The following LTBP2 variants were observed in gnomAD, a reference collection of about 807,000 sequenced individuals.
LTBP2 encodes latent-transforming growth factor beta-binding protein 2.
Under a neutral mutation model 210.6 loss-of-function variants are expected in LTBP2, and 103 were observed. The observed-to-expected ratio is 0.49, with a 90% confidence interval of 0.42 to 0.58. The LOEUF (loss-of-function observed/expected upper bound fraction) is 0.58, where lower values mean the gene tolerates loss of function less well. Ranked by LOEUF, LTBP2 falls within the 20% of genes least tolerant of loss-of-function variation. LTBP2 has a pLI of 0.00. For synonymous variants in LTBP2, 1,007 were observed against 1,015.0 expected (o/e 0.99, Z 0.15); for missense variants, 2,313 against 2,494.5 (o/e 0.93, Z 1.55).
Position 74,508,634 on chromosome 14 carries a change from C to T in LTBP2, c.3622G>A (p.Val1208Ile), listed in dbSNP as rs142023737. 4.9e-5 allele frequency: 79 copies of T among 1,611,476 alleles called. No individual in the cohort carries two copies. Among genetic ancestry groups the T allele is most frequent in the African/African-American group, 2.5e-4 (19 of 75,036 alleles). Reference sequence around the variant, plus strand: ...CAGCTGGTGCCCCCCTCTGCGCTGACGAAGCCAGGCGCGCACAGACAGAAG... The same window carrying T: ...CAGCTGGTGCCCCCCTCTGCGCTGATGAAGCCAGGCGCGCACAGACAGAAG... ...SFFCLCAPGF[V>I]SAEGGTSCQD... Residue 1208 changes from valine (V) to isoleucine (I), a missense_variant, in exon 24 of 36, where the codon GTC (valine) becomes ATC (isoleucine). This residue lies in a region of LTBP2 where 1,867 missense variants were observed against 1,976.9 expected (regional missense o/e 0.94). Transcript: ENST00000261978.
intron 1 of LTBP2, among the ~76,000 whole-genome samples, chr14:74,603,926 A>G (rs112588061): frequency 2.7e-3 from 414 of 152,282 alleles, no homozygotes; most frequent in African/African-American, 9.3e-3. Context: ...TACAATGGAG[A>G]TAACAATAGC....
At chr14:74,584,333 C>G (rs760738510) in intron 3 of LTBP2, among the ~76,000 whole-genome samples, 1 of 152,142 alleles carries the variant, frequency 6.6e-6, no homozygotes, top group Non-Finnish European at 1.5e-5. Context: ...CCCAGCAACC[C>G]CTGCTCCTAG....
rs936886393 is a variant in LTBP2 at position 74,611,948 on chromosome 14, G to T, written c.-4C>A. ...GGGCTTTGGTCCGCGGCCTCATGGC[G>T]CGGGGCGGCTGGAGAGTGGTGCGCG... On this transcript the variant is annotated 5_prime_UTR_variant, in exon 1 of 36. Coordinates refer to ENST00000261978, the MANE Select transcript of LTBP2 (RefSeq NM_000428.3). The T allele has an allele frequency of 2.5e-6, 4 of 1,572,990 alleles. No individual in the cohort carries two copies. In the African/African-American group the frequency reaches 4.1e-5, roughly 16 times the overall value.
At chr14:74,571,257 C>T (rs2087973044) in intron 3 of LTBP2, among the ~76,000 whole-genome samples, 1 of 152,206 alleles carries the variant, frequency 6.6e-6, no homozygotes, top group Admixed American at 6.5e-5. Flanking sequence ...TTGCTTGAAC[C>T]TGGGAGACAG....
At chr14:74,532,122 C>A (rs1050862618) in intron 10 of LTBP2, among the ~76,000 whole-genome samples, 2 of 151,858 alleles carry the variant, frequency 1.3e-5, no homozygotes, top group Admixed American at 1.3e-4. Flanking sequence ...CGAGGCTACA[C>A]ATGGAACAGA....
At chr14:74,566,063 T>C (rs1327389150) in intron 3 of LTBP2, among the ~76,000 whole-genome samples, 1 of 148,704 alleles carries the variant, frequency 6.7e-6, no homozygotes, top group Non-Finnish European at 1.5e-5. Flanking sequence ...CGTGTGCCTA[T>C]AGCTGGGTTT....
intron 31 of LTBP2, 135 bp downstream of exon 31, chr14:74,503,791 G>T: frequency 7.0e-7 from 1 of 1,434,620 alleles, no homozygotes; most frequent in Non-Finnish European, 9.5e-7. Context: ...CTTCACCTGG[G>T]ACCAGCCTGC....
rs549666789 is a variant in LTBP2, at chr14:74,563,745, C to G, written c.831-8052G>C. ...CTCCTCATCTGTGACTGGTTTTGCT[C>G]TCCAATGGCACCGCTGAGTAGTTGC... On this transcript the variant is annotated intron_variant, in intron 3 of 35. Transcript: ENST00000261978. 2.0e-5 allele frequency among the ~76,000 whole-genome samples: 3 copies of G among 152,006 alleles called. No homozygotes were observed. In the South Asian group the frequency reaches 6.2e-4, roughly 31 times the overall value.
At chr14:74,562,364 G>A (rs1310750558) in intron 3 of LTBP2, among the ~76,000 whole-genome samples, 2 of 152,204 alleles carry the variant, frequency 1.3e-5, no homozygotes, top group East Asian at 3.8e-4. Context: ...CCAATTCAAT[G>A]CCTATCAGGT....
Position 74,586,110 on chromosome 14 carries a change from C to G in LTBP2, c.574G>C (p.Glu192Gln), listed in dbSNP as rs201150991. ...GAGCCCCGGTTCTGGCACGGCGGCT[C>G]GCAAACGGCTGAGGACACAGGGAGA... is the stretch of plus-strand genomic sequence containing the variant. ...STNHCIKPVC[E>Q]PPCQNRGSCS... The change falls in exon 3 of 36, where the codon GAG (glutamate) becomes CAG (glutamine). Residue 192 changes from glutamate to glutamine, a missense_variant. Physicochemically the swap from Glu to Gln is conservative, Grantham distance 29. Transcript: ENST00000261978. The surrounding 1 kb of genome is among the most constrained non-coding windows in gnomAD (Gnocchi z 4.6). The G allele has an allele frequency of 6.3e-7, 1 of 1,593,844 alleles. No homozygotes were observed. Among genetic ancestry groups the G allele is most frequent in the Non-Finnish European group, 8.5e-7 (1 of 1,171,032 alleles).
intron 3 of LTBP2, among the ~76,000 whole-genome samples, chr14:74,574,462 C>T (rs2139775988): frequency 6.6e-6 from 1 of 152,310 alleles, no homozygotes; most frequent in South Asian, 2.1e-4. Flanking sequence ...TGTACAACAT[C>T]CATGTCCTGC....
chr14:74,500,744 G>A lies in LTBP2; in HGVS notation c.*140C>T. ...AAGCTTACAGCCAGAGGCTAAGCTG[G>A]GAGAGATGAAAGCAGGCAAGGCTGA... On this transcript the variant is annotated 3_prime_UTR_variant, in exon 36 of 36. Coordinates refer to ENST00000261978, the MANE Select transcript of LTBP2 (RefSeq NM_000428.3). 2 of 1,151,548 alleles carry A rather than the reference G, an allele frequency of 1.7e-6. No individual in the cohort carries two copies. The highest frequency in any genetic ancestry group is 2.6e-6 in the Non-Finnish European group (2 of 774,102). 71.3% of individuals were successfully genotyped at this position (1,151,548 alleles called of 1,614,324 possible). A position where few individuals can be genotyped will look rare whatever the true frequency, so the allele number is the denominator to read the frequency against.
intron 18 of LTBP2, among the ~76,000 whole-genome samples, chr14:74,513,656 A>G (rs933317306): frequency 1.6e-4 from 25 of 152,284 alleles, no homozygotes; most frequent in African/African-American, 6.0e-4. Context: ...TACAAAAATT[A>G]GCCGGGTGTG....
At position 74,607,945 on chromosome 14, in the gene LTBP2, G is replaced by A. The variant is rs184787346; in HGVS notation, c.494+3506C>T. ...TTTTTTTTTTTTGAGACGGAGTCTC[G>A]CTCTGTCGCCCAGGCCGGACTGCGG... is the stretch of plus-strand genomic sequence containing the variant. On this transcript the variant is annotated intron_variant, in intron 1 of 35. Coordinates refer to ENST00000261978, the MANE Select transcript of LTBP2 (RefSeq NM_000428.3). Among the ~76,000 whole-genome samples, 1,111 of 146,004 alleles carry A rather than the reference G, an allele frequency of 7.6e-3. 13 individuals carry two copies. The highest frequency in any genetic ancestry group is 0.026 in the African/African-American group (1,014 of 39,292).
chr14:74,503,022 C>G (rs1216158240), intron 33 of LTBP2, 88 bp from the exon 34 acceptor site: 2 of 1,548,496 alleles, frequency 1.3e-6, no homozygotes, highest in African/African-American at 1.4e-5. Flanking sequence ...CATGCAAGGA[C>G]TGGTACCCTC....
chr14:74,531,006 C>T (rs2087343191), intron 10 of LTBP2, among the ~76,000 whole-genome samples: 1 of 152,232 alleles, frequency 6.6e-6, no homozygotes. Flanking sequence ...AGCCCTGGAT[C>T]TCCAGGTGCA....
chr14:74,563,830 G>C (rs1275388056), intron 3 of LTBP2, among the ~76,000 whole-genome samples: 1 of 150,560 alleles, frequency 6.6e-6, no homozygotes, highest in Non-Finnish European at 1.5e-5. Context: ...ATGGAAGTCT[G>C]CTGGCTCCTG....
chr14:74,608,715 G>GAAA (rs5809673), intron 1 of LTBP2, among the ~76,000 whole-genome samples: 1 of 116,274 alleles, frequency 8.6e-6, no homozygotes, highest in Non-Finnish European at 1.8e-5. Flanking sequence ...TCAAAAAAAA[G>GAAA]AAAAAAAAAA....
At chr14:74,543,244 G>A (rs533328765) in intron 8 of LTBP2, among the ~76,000 whole-genome samples, 2 of 151,964 alleles carry the variant, frequency 1.3e-5, no homozygotes, top group East Asian at 4.0e-4. Context: ...TGGGTGTGAT[G>A]GCGGGCACCT....
Sources: allele counts gnomAD v4.1 joint callset (sites outside exome capture counted in the v4.1 genomes callset), GRCh38; gene constraint gnomAD v4.1.1; regional missense constraint gnomAD v4.1.1; non-coding constraint Gnocchi (gnomAD v3.1); transcripts MANE v1.5; gene names NCBI Gene and HGNC (gene_info 2026-07-23, HGNC 2026-07-21).